The following PARD3 variants were observed in gnomAD, a reference collection of about 807,000 sequenced individuals.
The protein encoded by PARD3 is par-3 family cell polarity regulator.
Under a neutral mutation model 155.4 loss-of-function variants are expected in PARD3, and 75 were observed. The ratio of observed to expected loss-of-function variants is 0.48; its 90% CI spans 0.40 to 0.58. PARD3 has a LOEUF of 0.58. Ranked by LOEUF, PARD3 falls within the 20% of genes least tolerant of loss-of-function variation. PARD3 has a pLI of 0.00. For synonymous variants in PARD3, 576 were observed against 610.5 expected (o/e 0.94, Z 0.83); for missense variants, 1,642 against 1,721.7 (o/e 0.95, Z 0.82).
Position 34,404,600 on chromosome 10 carries a change from G to GT in PARD3, c.715-2684dup, listed in dbSNP as rs147177047. Reference sequence around the variant, plus strand: ...CAGATATGAGACAATACAGCCATTTGTTTTTTTTTTCTTTTTCCTTTCCCT... The same window carrying GT: ...CAGATATGAGACAATACAGCCATTTGTTTTTTTTTTTCTTTTTCCTTTCCCT... On this transcript the variant is annotated intron_variant, in intron 5 of 24. Transcript: ENST00000374788. Among the ~76,000 whole-genome samples the GT allele has an allele frequency of 7.2e-3, 1,058 of 147,052 alleles. 13 individuals are homozygous for GT. The highest frequency in any genetic ancestry group is 9.1e-3 in the African/African-American group (364 of 40,108).
At chr10:34,133,408 C>G (rs1488786910) in intron 22 of PARD3, among the ~76,000 whole-genome samples, 1 of 152,204 alleles carries the variant, frequency 6.6e-6, no homozygotes, top group African/African-American at 2.4e-5. Flanking sequence ...GGAACTCTCT[C>G]ATTTCATCAG....
At chr10:34,175,024 C>A (rs552342511) in intron 22 of PARD3, among the ~76,000 whole-genome samples, 1 of 151,474 alleles carries the variant, frequency 6.6e-6, no homozygotes, top group South Asian at 2.1e-4. Flanking sequence ...TATTTTGACA[C>A]CTGGAGTTCC....
intron 3 of PARD3, among the ~76,000 whole-genome samples, chr10:34,493,024 G>A (rs2133341874): frequency 1.3e-5 from 2 of 152,302 alleles, no homozygotes; most frequent in South Asian, 4.1e-4. Flanking sequence ...CACAAAGCAA[G>A]ATTAATGTAT....
At chr10:34,584,159 A>G (rs1020031171) in intron 2 of PARD3, among the ~76,000 whole-genome samples, 1 of 152,176 alleles carries the variant, frequency 6.6e-6, no homozygotes, top group African/African-American at 2.4e-5. Flanking sequence ...ATTTGTTGAC[A>G]TGAGACTCTT....
At chr10:34,376,026 T>G (rs1841197710) in intron 10 of PARD3, among the ~76,000 whole-genome samples, 2 of 152,026 alleles carry the variant, frequency 1.3e-5, no homozygotes, top group South Asian at 4.1e-4. Flanking sequence ...AGCAGAACCC[T>G]AAACATAATT....
chr10:34,799,989 CAT>C (rs1842698457), intron 1 of PARD3, among the ~76,000 whole-genome samples: 1 of 151,752 alleles, frequency 6.6e-6, no homozygotes, highest in Admixed American at 6.6e-5. Flanking sequence ...ATTAACTAGG[CAT>C]AGGTGGTACA....
In PARD3 at chr10:34,489,350, C is replaced by T. The variant is rs111791536; in HGVS notation, c.404-19087G>A. Among the ~76,000 whole-genome samples the T allele has an allele frequency of 3.0e-4, 45 of 152,182 alleles. 1 individual carries two copies. The South Asian group carries it at 6.0e-3, about 20-fold the overall frequency. On this transcript the variant is annotated intron_variant, in intron 3 of 24. Transcript: ENST00000374788. ...ACACATGTGAACACAGACTACGCCA[C>T]GAAGAGATCAGTGCTAGGAACAAAA...
chr10:34,480,644 A>G (rs1285343393), intron 3 of PARD3, among the ~76,000 whole-genome samples: 2 of 152,224 alleles, frequency 1.3e-5, no homozygotes, highest in Non-Finnish European at 1.5e-5. Flanking sequence ...CCAACAAAGT[A>G]GGAACAAAAT....
intron 2 of PARD3, among the ~76,000 whole-genome samples, chr10:34,586,214 G>T (rs533183799): frequency 6.6e-6 from 1 of 152,156 alleles, no homozygotes; most frequent in South Asian, 2.1e-4. Flanking sequence ...TATAAAAGAA[G>T]TAACGACCCT....
chr10:34,354,143 C>CAAA (rs1049942276), intron 14 of PARD3, among the ~76,000 whole-genome samples: 1 of 134,734 alleles, frequency 7.4e-6, no homozygotes, highest in African/African-American at 2.7e-5. Flanking sequence ...AAAAAAAAAA[C>CAAA]AAAAAAAAAA....
chr10:34,582,574 A>G (rs2087591360), intron 2 of PARD3, among the ~76,000 whole-genome samples: 1 of 152,216 alleles, frequency 6.6e-6, no homozygotes, highest in South Asian at 2.1e-4. Flanking sequence ...ATAAAGAATA[A>G]TTGGTCACAA....
chr10:34,452,578 G>GT (rs1285121776), intron 4 of PARD3, among the ~76,000 whole-genome samples: 1 of 152,086 alleles, frequency 6.6e-6, no homozygotes, highest in Admixed American at 6.6e-5. Context: ...TATGCTACTG[G>GT]TACCCACCCC....
At chr10:34,211,127 C>T (rs914462298) in intron 22 of PARD3, among the ~76,000 whole-genome samples, 8 of 152,144 alleles carry the variant, frequency 5.3e-5, no homozygotes, top group African/African-American at 1.7e-4. Flanking sequence ...GCTCATGAAA[C>T]GCACCGATAA....
intron 3 of PARD3, among the ~76,000 whole-genome samples, chr10:34,478,981 A>G (rs1013966269): frequency 6.6e-6 from 1 of 152,180 alleles, no homozygotes; most frequent in Non-Finnish European, 1.5e-5. Flanking sequence ...CCTGAGTACA[A>G]GAAAAAATCT....
intron 2 of PARD3, among the ~76,000 whole-genome samples, chr10:34,660,271 TAC>T (rs2093287136): frequency 1.3e-5 from 2 of 152,232 alleles, no homozygotes; most frequent in Non-Finnish European, 2.9e-5. Flanking sequence ...AATTTGAAAC[TAC>T]AATTTCTAAA....
chr10:34,779,230 T>C (rs1260474805), intron 1 of PARD3, among the ~76,000 whole-genome samples: 3 of 151,320 alleles, frequency 2.0e-5, no homozygotes, highest in Admixed American at 6.6e-5. Flanking sequence ...CGCTTGAACC[T>C]GGGAGGTGAA....
At chr10:34,483,744 A>G (rs2079255675) in intron 3 of PARD3, among the ~76,000 whole-genome samples, 1 of 152,210 alleles carries the variant, frequency 6.6e-6, no homozygotes, top group Non-Finnish European at 1.5e-5. Context: ...GTTTTGCACA[A>G]TAGTTATGTT....
At chr10:34,199,412 C>T (rs955890082) in intron 22 of PARD3, among the ~76,000 whole-genome samples, 3 of 152,144 alleles carry the variant, frequency 2.0e-5, no homozygotes, top group African/African-American at 4.8e-5. Context: ...GCATCTCACA[C>T]GTGGAGCTGG....
intron 5 of PARD3, among the ~76,000 whole-genome samples, chr10:34,430,644 T>A (rs1403725459): frequency 6.6e-6 from 1 of 152,146 alleles, no homozygotes; most frequent in Non-Finnish European, 1.5e-5. Context: ...TAGGAAACAA[T>A]CAATATTGCC....
Sources: allele counts gnomAD v4.1 joint callset (sites outside exome capture counted in the v4.1 genomes callset), GRCh38; gene constraint gnomAD v4.1.1; transcripts MANE v1.5; gene names NCBI Gene and HGNC (gene_info 2026-07-23, HGNC 2026-07-21).